Variants in PDGFRA observed in about 807,000 individuals in gnomAD.
PDGFRA encodes the protein platelet-derived growth factor receptor alpha.
A neutral mutation model predicts 121.5 loss-of-function variants in PDGFRA; 25 were observed. That is an observed-to-expected ratio of 0.21 (90% CI 0.15 to 0.29). The LOEUF is 0.29. PDGFRA is among the 10% of genes least tolerant of loss of function. The pLI, the probability that PDGFRA is intolerant of heterozygous loss-of-function variation, is 1.00. For missense variants in PDGFRA, 1,008 were observed against 1,345.1 expected, an observed-to-expected ratio of 0.75 and a Z score of 3.92; for synonymous variants, 463 against 494.8, an observed-to-expected ratio of 0.94 and a Z score of 0.85.
Position 54,284,879 on chromosome 4 carries a change from C to CTTTTTTTTTTTTTTTTTTT in PDGFRA, c.2324-488_2324-470dup, listed in dbSNP as rs5858264. On this transcript the variant is annotated intron_variant, in intron 16 of 22. Coordinates refer to ENST00000257290, the MANE Select transcript of PDGFRA (RefSeq NM_006206.6). ...CTTTCCTTTCTTTCATTCTTTCTAT[C>CTTTTTTTTTTTTTTTTTTT]TTTTTTTTTTTTTTTTTTTTTTGAG... Among the ~76,000 whole-genome samples, 25 of 101,248 alleles carry CTTTTTTTTTTTTTTTTTTT rather than the reference C, an allele frequency of 2.5e-4. 10 individuals are homozygous for CTTTTTTTTTTTTTTTTTTT. Among genetic ancestry groups the CTTTTTTTTTTTTTTTTTTT allele is most frequent in the Non-Finnish European group, 2.0e-4 (11 of 54,206 alleles). 66.4% of individuals were successfully genotyped at this position (101,248 alleles called of 152,430 possible).
chr4:54,290,630 G>C (rs553941131), intron 22 of PDGFRA, 76 bp downstream of exon 22: 13 of 1,522,058 alleles, frequency 8.5e-6, no homozygotes, highest in Non-Finnish European at 1.2e-5. Flanking sequence ...CCATTTTCCC[G>C]ATAATGGTGC....
chr4:54,269,400 C>T (rs190791880), intron 7 of PDGFRA, among the ~76,000 whole-genome samples: 49 of 152,176 alleles, frequency 3.2e-4, no homozygotes, highest in Admixed American at 9.2e-4. Context: ...GAGATCTTCT[C>T]ACTCCATGAC....
chr4:54,265,137 C>T, intron 5 of PDGFRA, 88 bp downstream of exon 5: 1 of 1,270,450 alleles, frequency 7.9e-7, no homozygotes, highest in Non-Finnish European at 1.1e-6. Flanking sequence ...CACTGATGGG[C>T]ACATCACTGA....
intron 19 of PDGFRA, among the ~76,000 whole-genome samples, chr4:54,288,357 C>T (rs1032932931): frequency 6.6e-6 from 1 of 152,038 alleles, no homozygotes; most frequent in Non-Finnish European, 1.5e-5. Context: ...ATGGATCATC[C>T]CCCAGTGGCT....
At position 54,297,896 on chromosome 4, in the gene PDGFRA, T is replaced by C; in HGVS notation, c.*2624T>C. On this transcript the variant is annotated 3_prime_UTR_variant, in exon 23 of 23. Transcript: ENST00000257290. ...AGAGGGACATAAGATAAAATGATGT[T>C]ATACATCAATATGTATATATGTATT... is the stretch of plus-strand genomic sequence containing the variant. 4.3e-6 allele frequency: 1 copy of C among 233,374 alleles called. No individual in the cohort carries two copies. The highest frequency in any genetic ancestry group is 8.5e-6 in the Non-Finnish European group (1 of 117,860). 14.5% of individuals were successfully genotyped at this position (233,374 alleles called of 1,614,324 possible).
chr4:54,261,913 ATATATATATATATATATATT>A lies in PDGFRA; in HGVS notation c.367+503_367+522del, dbSNP rs1456792167. Reference sequence around the variant, plus strand: ...AAAAAAGTTACATATATATATATATATATATATATATATATATATTTTTTTTTTTTTTGGTAACAGGGTCT... The same window carrying A: ...AAAAAAGTTACATATATATATATATATTTTTTTTTTTTGGTAACAGGGTCT... On this transcript the variant is annotated intron_variant, in intron 3 of 22. Transcript: ENST00000257290. Among the ~76,000 whole-genome samples, 297 of 57,808 alleles carry A rather than the reference ATATATATATATATATATATT, an allele frequency of 5.1e-3. 2 individuals are homozygous for A. Among genetic ancestry groups the A allele is most frequent in the African/African-American group, 0.013 (249 of 18,652 alleles). The allele number at this position is 57,808 out of a possible 152,430, so 37.9% of individuals were successfully genotyped here.
chr4:54,245,267 C>T (rs1721572246), intron 1 of PDGFRA, among the ~76,000 whole-genome samples: 1 of 152,096 alleles, frequency 6.6e-6, no homozygotes, highest in Non-Finnish European at 1.5e-5. Flanking sequence ...ACATAATTGT[C>T]AGATTCACCA....
rs187487079 is a variant in PDGFRA at position 54,297,351 on chromosome 4, A to G, written c.*2079A>G. Reference sequence around the variant, plus strand: ...TGGTGTAATCTCAATGCAAGCCCCAACTTTCTTATCCAACTTTTTCATAGT... The same window carrying G: ...TGGTGTAATCTCAATGCAAGCCCCAGCTTTCTTATCCAACTTTTTCATAGT... On this transcript the variant is annotated 3_prime_UTR_variant, in exon 23 of 23. Coordinates refer to ENST00000257290, the MANE Select transcript of PDGFRA (RefSeq NM_006206.6). The G allele has an allele frequency of 3.9e-5, 9 of 233,756 alleles. No homozygotes were observed. The highest frequency in any genetic ancestry group is 2.0e-4 in the African/African-American group (9 of 45,488). The allele number at this position is 233,756 out of a possible 1,614,324, so 14.5% of individuals were successfully genotyped here. A position where few individuals can be genotyped will look rare whatever the true frequency, so the allele number is the denominator to read the frequency against.
intron 18 of PDGFRA, among the ~76,000 whole-genome samples, chr4:54,286,577 G>A (rs888031655): frequency 4.8e-4 from 73 of 151,994 alleles, no homozygotes; most frequent in African/African-American, 1.5e-3. Flanking sequence ...GACTGGTCTC[G>A]AACTCCTGGC....
At chr4:54,248,186 G>A (rs1186744227) in intron 1 of PDGFRA, among the ~76,000 whole-genome samples, 1 of 152,158 alleles carries the variant, frequency 6.6e-6, no homozygotes, top group Non-Finnish European at 1.5e-5. Context: ...AGCTACCAAT[G>A]ACTTTCTTCA....
At chr4:54,271,982 C>CT (rs1723419225) in intron 8 of PDGFRA, among the ~76,000 whole-genome samples, 2 of 9,180 alleles carry the variant, frequency 2.2e-4, no homozygotes, top group African/African-American at 5.5e-4. Flanking sequence ...CCTCCCCTCC[C>CT]CCTCCCCTCC....
intron 15 of PDGFRA, 191 bp downstream of exon 15, chr4:54,278,706 T>G (rs1244347987): frequency 3.0e-6 from 2 of 670,482 alleles, no homozygotes; most frequent in Non-Finnish European, 5.4e-6. Context: ...TGTTTTGGAC[T>G]GGGGTGTCAC....
chr4:54,278,069 A>G (rs1159651058), intron 14 of PDGFRA, 63 bp downstream of exon 14: 11 of 1,012,816 alleles, frequency 1.1e-5, no homozygotes, highest in African/African-American at 4.7e-5. Flanking sequence ...AAACTGTTCA[A>G]TCAGGCTTAA....
intron 3 of PDGFRA, among the ~76,000 whole-genome samples, chr4:54,261,915 ATATATATATATATATATT>A (rs1326091562): frequency 1.6e-4 from 10 of 61,602 alleles, no homozygotes; most frequent in African/African-American, 4.6e-4. Context: ...ATATATATAT[ATATATATATATATATATT>A]TTTTTTTTTT....
intron 10 of PDGFRA, 47 bp from the exon 11 acceptor site, chr4:54,274,484 T>G: frequency 7.4e-7 from 1 of 1,353,032 alleles, no homozygotes; most frequent in Non-Finnish European, 1.1e-6. Flanking sequence ...CCCCTGTGCA[T>G]GTCTGCCAGG....
At chr4:54,243,629 A>G in intron 1 of PDGFRA, 1 of 152,558 alleles carries the variant, frequency 6.6e-6, no homozygotes, top group Non-Finnish European at 1.5e-5. Flanking sequence ...AGCTCCCAGC[A>G]TCAGCGATGC....
intron 21 of PDGFRA, among the ~76,000 whole-genome samples, chr4:54,289,526 G>A (rs4864874): frequency 0.96 from 146,054 of 152,286 alleles, 70,313 homozygotes; most frequent in East Asian, 1. Context: ...TTTGTGGAAT[G>A]GGAAGCATTG....
At chr4:54,279,160 C>T (rs4241984) in intron 15 of PDGFRA, among the ~76,000 whole-genome samples, 151,943 of 152,344 alleles carry the variant, frequency 1, 75,773 homozygotes, top group Middle Eastern at 1. Context: ...ACAGACTTAA[C>T]GTAGTGAATT....
chr4:54,294,635 G>A (rs1324689644), intron 22 of PDGFRA, among the ~76,000 whole-genome samples: 1 of 152,006 alleles, frequency 6.6e-6, no homozygotes, highest in Non-Finnish European at 1.5e-5. Flanking sequence ...CAAGTTGGGG[G>A]TTGGTGGGGG....
Sources: gnomAD v4.1 joint callset for allele counts (sites outside exome capture counted in the v4.1 genomes callset) on GRCh38, gnomAD v4.1.1 for gene constraint, MANE v1.5 for transcripts, NCBI Gene and HGNC (gene_info 2026-07-23, HGNC 2026-07-21) for gene names.